The following TBXAS1 variants were observed in gnomAD, a reference collection of about 807,000 sequenced individuals.
TBXAS1 encodes the protein thromboxane A synthase 1.
In TBXAS1, 48 loss-of-function variants were observed where a neutral mutation model predicts 60.7. The ratio of observed to expected loss-of-function variants is 0.79; its 90% CI spans 0.63 to 1.01. TBXAS1 has a LOEUF of 1.01. Ranked by LOEUF, TBXAS1 falls within the 50% of genes least tolerant of loss-of-function variation. The pLI, the probability that TBXAS1 is intolerant of heterozygous loss-of-function variation, is 0.00. For missense variants in TBXAS1, 685 were observed against 686.3 expected, an observed-to-expected ratio of 1.00 and a Z score of 0.02; for synonymous variants, 287 against 269.7, an observed-to-expected ratio of 1.06 and a Z score of -0.63.
intron 9 of TBXAS1, among the ~76,000 whole-genome samples, chr7:139,987,142 T>C (rs1337748969): frequency 6.6e-6 from 1 of 152,078 alleles, no homozygotes; most frequent in Non-Finnish European, 1.5e-5. Context: ...CTTGGGGAGC[T>C]TGATGCCTGG....
intron 4 of TBXAS1, among the ~76,000 whole-genome samples, chr7:139,822,525 G>A (rs550820600): frequency 6.3e-4 from 96 of 152,104 alleles, no homozygotes; most frequent in Admixed American, 1.4e-3. Flanking sequence ...GCCATCTCCC[G>A]AGCATCTTAA....
intron 3 of TBXAS1, among the ~76,000 whole-genome samples, chr7:139,881,051 C>A (rs1318105489): frequency 1.3e-5 from 2 of 152,172 alleles, no homozygotes; most frequent in Non-Finnish European, 2.9e-5. Flanking sequence ...GTTTGAGCAT[C>A]TTTTCATATG....
At chr7:139,991,405 G>C (rs1225593954) in intron 9 of TBXAS1, among the ~76,000 whole-genome samples, 1 of 145,368 alleles carries the variant, frequency 6.9e-6, no homozygotes, top group East Asian at 2.0e-4. Flanking sequence ...TCCACCCCCA[G>C]GGACTGTGCA....
chr7:139,947,715 C>T (rs1458957770), intron 5 of TBXAS1, among the ~76,000 whole-genome samples: 1 of 152,212 alleles, frequency 6.6e-6, no homozygotes, highest in Non-Finnish European at 1.5e-5. Flanking sequence ...CAGCCTCACA[C>T]TCGGCATCAC....
At chr7:139,917,616 A>G (rs371558693) in intron 4 of TBXAS1, among the ~76,000 whole-genome samples, 6 of 152,374 alleles carry the variant, frequency 3.9e-5, no homozygotes, top group African/African-American at 1.4e-4. Context: ...CGTTTCCAAC[A>G]TGGTAGCTAA....
rs376280161 is a variant in TBXAS1, at chr7:139,956,743, G to A, written c.689-891G>A. Among the ~76,000 whole-genome samples, 103 of 152,358 alleles carry A rather than the reference G, an allele frequency of 6.8e-4. No homozygotes were observed. The South Asian group carries it at 0.016, about 23-fold the overall frequency. Reference sequence around the variant, plus strand: ...CCTTTCCACCGATCTTGGAGGCAGCGCAGGCTGTGTCTGCCCCTTGTGCCT... The same window carrying A: ...CCTTTCCACCGATCTTGGAGGCAGCACAGGCTGTGTCTGCCCCTTGTGCCT... On this transcript the variant is annotated intron_variant, in intron 7 of 12. Transcript: ENST00000448866.
chr7:139,960,656 A>C (rs1347385181), intron 8 of TBXAS1, among the ~76,000 whole-genome samples: 2 of 151,998 alleles, frequency 1.3e-5, no homozygotes, highest in East Asian at 3.9e-4. Context: ...TGAGGCAGGA[A>C]GATCACTTGA....
chr7:139,839,676 CAAAAA>C (rs1297739214), intron 1 of TBXAS1, among the ~76,000 whole-genome samples: 1 of 89,312 alleles, frequency 1.1e-5, no homozygotes, highest in Non-Finnish European at 2.4e-5. Context: ...CTGCTTCTAC[CAAAAA>C]AAAAAAAAAA....
chr7:139,985,660 C>T (rs1325639993), intron 9 of TBXAS1, among the ~76,000 whole-genome samples: 1 of 152,236 alleles, frequency 6.6e-6, no homozygotes, highest in African/African-American at 2.4e-5. Flanking sequence ...ACCCTCCTCA[C>T]ATCTTCAAAA....
At chr7:139,789,154 G>C (rs1797295898) in intron 4 of TBXAS1, 1 of 151,688 alleles carries the variant, frequency 6.6e-6, no homozygotes, top group African/African-American at 2.4e-5. Context: ...TTCACTTTTT[G>C]CCTTTTTTAT....
At chr7:139,951,740 T>C in intron 5 of TBXAS1, among the ~76,000 whole-genome samples, 1 of 139,250 alleles carries the variant, frequency 7.2e-6, no homozygotes, top group African/African-American at 2.7e-5. Context: ...ACCACTGCAC[T>C]CCAGCCTGGG....
chr7:139,943,896 C>T (rs78325313), intron 5 of TBXAS1, among the ~76,000 whole-genome samples: 12,033 of 152,150 alleles, frequency 0.079, 522 homozygotes, highest in Non-Finnish European at 0.089. Context: ...CCCAGAAATA[C>T]GTTTAAATAC....
intron 10 of TBXAS1, among the ~76,000 whole-genome samples, chr7:140,012,493 C>T (rs1173043538): frequency 1.7e-4 from 25 of 150,034 alleles, no homozygotes; most frequent in African/African-American, 5.2e-4. Flanking sequence ...GACGGAGTCT[C>T]GCTCTGTCGC....
chr7:139,831,690 G>T (rs1263084454), intron 1 of TBXAS1, among the ~76,000 whole-genome samples: 1 of 152,184 alleles, frequency 6.6e-6, no homozygotes, highest in Non-Finnish European at 1.5e-5. Flanking sequence ...CCAGCACTTT[G>T]GGAGGCCAAG....
chr7:139,971,304 T>C (rs1034947188), intron 9 of TBXAS1, among the ~76,000 whole-genome samples: 3 of 152,120 alleles, frequency 2.0e-5, no homozygotes, highest in Non-Finnish European at 2.9e-5. Flanking sequence ...TGGAACCCTA[T>C]CTTGGAAGTT....
intron 9 of TBXAS1, among the ~76,000 whole-genome samples, chr7:139,969,573 C>T (rs1445808766): frequency 2.6e-5 from 4 of 150,998 alleles, no homozygotes; most frequent in East Asian, 1.9e-4. Flanking sequence ...TAGCTTAACA[C>T]AAATCTATCC....
chr7:140,017,577 T>G (rs1815177090), intron 11 of TBXAS1, 94 bp from the exon 12 acceptor site: 1 of 1,534,282 alleles, frequency 6.5e-7, no homozygotes, highest in Non-Finnish European at 8.9e-7. Flanking sequence ...GAGACATCCT[T>G]GTCTCAGATG....
At chr7:139,804,244 G>T (rs981451713) in intron 4 of TBXAS1, among the ~76,000 whole-genome samples, 3 of 152,206 alleles carry the variant, frequency 2.0e-5, no homozygotes, top group East Asian at 3.8e-4. Flanking sequence ...TAACTTTAAG[G>T]TTTAATGATT....
chr7:139,823,491 G>T (rs1293170899), intron 4 of TBXAS1, among the ~76,000 whole-genome samples: 1 of 152,098 alleles, frequency 6.6e-6, no homozygotes, highest in Non-Finnish European at 1.5e-5. Flanking sequence ...GGTAGCCAAG[G>T]TTTTCATGCT....
Sources: allele counts gnomAD v4.1 joint callset (sites outside exome capture counted in the v4.1 genomes callset), GRCh38; gene constraint gnomAD v4.1.1; transcripts MANE v1.5; gene names NCBI Gene and HGNC (gene_info 2026-07-23, HGNC 2026-07-21).